The following TRAPPC2L variants were observed in gnomAD, a reference collection of about 807,000 sequenced individuals.
TRAPPC2L encodes the protein trafficking protein particle complex subunit 2-like protein.
In TRAPPC2L, 17 loss-of-function variants were observed where a neutral mutation model predicts 13.2. The ratio of observed to expected loss-of-function variants is 1.29; its 90% CI spans 0.88 to 1.93. The LOEUF is 1.93. TRAPPC2L is among the 30% of genes most tolerant of loss of function. TRAPPC2L has a pLI of 0.00. For synonymous variants in TRAPPC2L, 150 were observed against 98.1 expected (o/e 1.53, Z -3.12); for missense variants, 359 against 252.1 (o/e 1.42, Z -2.87).
At chr16:88,860,141 A>G (rs1968286860) in exon 4 of TRAPPC2L, 1 of 723,874 alleles carries the variant, frequency 1.4e-6, no homozygotes, top group Non-Finnish European at 2.5e-6. Flanking sequence ...CCGTTTCTCC[A>G]CACCAACTCT....
intron 1 of TRAPPC2L, among the ~76,000 whole-genome samples, chr16:88,858,151 A>G (rs1480283206): frequency 6.6e-6 from 1 of 152,220 alleles, no homozygotes; most frequent in African/African-American, 2.4e-5. Flanking sequence ...TGGGCTTCCA[A>G]TGGTCAGAAA....
At chr16:88,856,226 G>A (rs544668572), upstream of TRAPPC2L, 30 of 703,048 alleles carry the variant, frequency 4.3e-5, no homozygotes, top group Admixed American at 4.0e-5. Flanking sequence ...GCATTCTCCA[G>A]AGGACAGAGA....
chr16:88,861,841 C>T (rs368497186), exon 4 of TRAPPC2L: 2 of 338,344 alleles, frequency 5.9e-6, no homozygotes, highest in Admixed American at 7.6e-5. Flanking sequence ...AAGGGGGGGT[C>T]AGCCTAGGGC....
chr16:88,856,745 C>G (rs558911063), upstream of TRAPPC2L: 14 of 1,503,268 alleles, frequency 9.3e-6, no homozygotes, highest in African/African-American at 1.7e-4. Context: ...CCCGTCCCAC[C>G]GCCCGCACTC....
chr16:88,859,710 A>G (rs1456920168), exon 3 of TRAPPC2L: 1 of 1,614,058 alleles, frequency 6.2e-7, no homozygotes, highest in Non-Finnish European at 8.5e-7. Context: ...ATGGTGGTAG[A>G]TTCCTCCAAC....
At chr16:88,856,574 C>CGG, upstream of TRAPPC2L, 1 of 577,658 alleles carries the variant, frequency 1.7e-6, no homozygotes, top group Non-Finnish European at 3.1e-6. Context: ...CCTCCCCGCA[C>CGG]GGGGATACCC....
upstream of TRAPPC2L, chr16:88,857,020 C>G (rs1361387274): frequency 4.3e-6 from 6 of 1,390,776 alleles, no homozygotes; most frequent in African/African-American, 9.1e-5. Context: ...GGACGGGAGG[C>G]GGGGCCTGGA....
Position 88,858,806 on chromosome 16 carries a change from AG to A in TRAPPC2L, c.206+18del. ...GACTACAAGGTGTATCTTTCAGGGC[AG>A]GGTGTGTGTCAGGGAGGACCTACAG... On this transcript the variant is annotated intron_variant, in intron 2 of 3. Coordinates refer to ENST00000565504, the Ensembl canonical transcript of TRAPPC2L. 6.2e-7 allele frequency: 1 copy of A among 1,609,594 alleles called. No homozygotes were observed. The highest frequency in any genetic ancestry group is 8.5e-7 in the Non-Finnish European group (1 of 1,177,490).
intron 1 of TRAPPC2L, 114 bp from the exon 2 acceptor site, chr16:88,858,505 G>A: frequency 8.7e-7 from 1 of 1,153,210 alleles, no homozygotes; most frequent in South Asian, 1.4e-5. Context: ...GGGCCTTAGA[G>A]CATGGGAATG....
exon 4 of TRAPPC2L, chr16:88,860,067 G>A (rs746484752): frequency 8.2e-7 from 1 of 1,213,062 alleles, no homozygotes; most frequent in South Asian, 1.2e-5. Flanking sequence ...AAATAAGGGA[G>A]GAAAGATCTT....
At chr16:88,857,427 C>G in intron 1 of TRAPPC2L, 1 of 469,682 alleles carries the variant, frequency 2.1e-6, no homozygotes, top group Non-Finnish European at 3.8e-6. Context: ...GGTCTCCTCC[C>G]CGCCAGGACC....
exon 4 of TRAPPC2L, chr16:88,860,976 G>C (rs963289308): frequency 6.3e-7 from 1 of 1,578,326 alleles, no homozygotes; most frequent in African/African-American, 1.3e-5. Flanking sequence ...TGTGCTGCCA[G>C]CCATCGCAGA....
chr16:88,857,802 C>T (rs760042267), intron 1 of TRAPPC2L, among the ~76,000 whole-genome samples: 1 of 152,232 alleles, frequency 6.6e-6, no homozygotes, highest in Non-Finnish European at 1.5e-5. Flanking sequence ...CTTTACTGGC[C>T]CACATACATT....
exon 4 of TRAPPC2L, chr16:88,860,440 C>T: frequency 3.3e-6 from 2 of 605,742 alleles, no homozygotes; most frequent in Non-Finnish European, 5.9e-6. Context: ...GGGGTCCATG[C>T]CCACATTCCA....
upstream of TRAPPC2L, chr16:88,856,429 C>G (rs1597612792): frequency 4.3e-6 from 3 of 700,858 alleles, no homozygotes; most frequent in Admixed American, 2.0e-5. Context: ...AGGCAGGGCC[C>G]GGTAGCACGC....
intron 1 of TRAPPC2L, 52 bp downstream of exon 1, chr16:88,857,235 G>C (rs1173949789): frequency 7.0e-7 from 1 of 1,437,416 alleles, no homozygotes; most frequent in Non-Finnish European, 9.3e-7. Context: ...TCGGCTCTCC[G>C]CTTTCTTTCT....
chr16:88,861,239 A>G, exon 4 of TRAPPC2L: 1 of 477,868 alleles, frequency 2.1e-6, no homozygotes. Flanking sequence ...AGTTGTCCCA[A>G]AGGGGCAGAG....
upstream of TRAPPC2L, chr16:88,856,410 A>C: frequency 1.4e-6 from 1 of 701,348 alleles, no homozygotes; most frequent in South Asian, 1.5e-5. Flanking sequence ...GGGAAAGGTC[A>C]GACGGGGGAG....
chr16:88,858,455 C>T (rs1226727674), intron 1 of TRAPPC2L, among the ~76,000 whole-genome samples, 164 bp from the exon 2 acceptor site: 1 of 152,176 alleles, frequency 6.6e-6, no homozygotes, highest in African/African-American at 2.4e-5. Context: ...CTGGGATCCC[C>T]TGAAGGCAGT....
Sources: gnomAD v4.1 joint callset for allele counts (sites outside exome capture counted in the v4.1 genomes callset) on GRCh38, gnomAD v4.1.1 for gene constraint, MANE v1.5 for transcripts, NCBI Gene and HGNC (gene_info 2026-07-23, HGNC 2026-07-21) for gene names.